The following PCDH10 variants were observed in gnomAD, a reference collection of about 807,000 sequenced individuals.
PCDH10 encodes the protein protocadherin 10, also known as protocadherin-10.
PCDH10 carries 15 observed loss-of-function variants against 74.4 expected under a neutral mutation model. The ratio of observed to expected loss-of-function variants is 0.20; its 90% CI spans 0.13 to 0.31. The LOEUF (loss-of-function observed/expected upper bound fraction) is 0.31. PCDH10 is among the 10% of genes least tolerant of loss of function. The probability of loss-of-function intolerance (pLI) is 1.00; values close to 1 mark genes in which losing one functional copy is unlikely to be tolerated. For missense variants in PCDH10, 1,260 were observed against 1,390.2 expected, an observed-to-expected ratio of 0.91 and a Z score of 1.49; for synonymous variants, 619 against 589.8, an observed-to-expected ratio of 1.05 and a Z score of -0.72.
intron 4 of PCDH10, among the ~76,000 whole-genome samples, chr4:133,189,531 C>G (rs1356665936): frequency 1.3e-5 from 2 of 151,740 alleles, no homozygotes; most frequent in Non-Finnish European, 2.9e-5. Flanking sequence ...TTATTAATTC[C>G]TTTATGAGAA....
chr4:133,167,176 T>C (rs1727101061), intron 4 of PCDH10, among the ~76,000 whole-genome samples: 1 of 151,512 alleles, frequency 6.6e-6, no homozygotes, highest in East Asian at 1.9e-4. Context: ...AAAATACTGC[T>C]AAAACTTATC....
Position 133,192,612 on chromosome 4 carries a change from C to T in PCDH10, c.*2452C>T, listed in dbSNP as rs1312282696. On this transcript the variant is annotated 3_prime_UTR_variant, in exon 5 of 5. Coordinates refer to ENST00000264360, the MANE Select transcript of PCDH10 (RefSeq NM_032961.3). ...TCATATATCCTAGGAACTAGTTATA[C>T]TAACTTACATTTTAGTTATCATCAA... 6.6e-6 allele frequency: 1 copy of T among 151,454 alleles called. No individual in the cohort carries two copies. Among genetic ancestry groups the T allele is most frequent in the Non-Finnish European group, 1.5e-5 (1 of 67,572 alleles). 9.4% of individuals were successfully genotyped at this position (151,454 alleles called of 1,614,324 possible).
In PCDH10 at chr4:133,149,875, AATTAGTCAGTGGAAAGATTACAG is replaced by A. The variant is rs1207016314; in HGVS notation, c.-263_-241del. On this transcript the variant is annotated 5_prime_UTR_variant, in exon 1 of 5. The change creates a new upstream start codon in the 5' untranslated region. Coordinates refer to ENST00000264360, the MANE Select transcript of PCDH10 (RefSeq NM_032961.3). ...ACTATTGTATTATTGTTATTTTATT[AATTAGTCAGTGGAAAGATTACAG>A]ATGAGGAAAGGGGACGCCTGTCACC... The A allele has an allele frequency of 2.3e-5, 8 of 345,504 alleles. No individual in the cohort carries two copies. The East Asian group carries it at 3.7e-4, about 16-fold the overall frequency. 21.4% of individuals were successfully genotyped at this position (345,504 alleles called of 1,614,324 possible). A position where few individuals can be genotyped will look rare whatever the true frequency, so the allele number is the denominator to read the frequency against.
At chr4:133,169,242 G>A (rs1318097930) in intron 4 of PCDH10, among the ~76,000 whole-genome samples, 1 of 151,286 alleles carries the variant, frequency 6.6e-6, no homozygotes, top group Non-Finnish European at 1.5e-5. Context: ...CTCTAGTTTA[G>A]TCACTTTTTT....
At chr4:133,172,536 C>T (rs1578568685) in intron 4 of PCDH10, among the ~76,000 whole-genome samples, 1 of 151,918 alleles carries the variant, frequency 6.6e-6, no homozygotes, top group South Asian at 2.1e-4. Flanking sequence ...AAAACATTAC[C>T]ACATATTTGT....
Position 133,150,664 on chromosome 4 carries a change from G to C in PCDH10, c.524G>C (p.Gly175Ala), listed in dbSNP as rs200972850. 1.9e-6 allele frequency: 3 copies of C among 1,613,026 alleles called. No individual in the cohort carries two copies. Among genetic ancestry groups the C allele is most frequent in the African/African-American group, 2.7e-5 (2 of 74,824 alleles). Residue 175 changes from glycine (G) to alanine (A), a missense_variant, in exon 1 of 5, where the codon GGG becomes GCG. Physicochemically the swap from Gly to Ala is moderately conservative, Grantham distance 60. This residue lies in a region of PCDH10 where 35 missense variants were observed against 29.1 expected (regional missense o/e 1.20). Transcript: ENST00000264360. ...SYFSLDVQTQ[G>A]DGNRFAELVL... Reference sequence around the variant, plus strand: ...TTCTCCCTGGACGTGCAGACCCAGGGGGATGGCAACCGATTCGCTGAGCTG... The same window carrying C: ...TTCTCCCTGGACGTGCAGACCCAGGCGGATGGCAACCGATTCGCTGAGCTG...
downstream of PCDH10, among the ~76,000 whole-genome samples, chr4:133,196,922 T>G (rs1542986): frequency 6.6e-6 from 1 of 152,164 alleles, no homozygotes; most frequent in African/African-American, 2.4e-5. Flanking sequence ...GTATAGAATA[T>G]AGTCTACAAA....
chr4:133,178,216 G>GT (rs200892986), intron 4 of PCDH10, among the ~76,000 whole-genome samples: 1,600 of 150,532 alleles, frequency 0.011, 36 homozygotes, highest in African/African-American at 0.037. Flanking sequence ...GCCAGTGTGT[G>GT]TTTTTTTTTG....
chr4:133,151,397 C>T lies in PCDH10; in HGVS notation c.1257C>T (p.Ala419=). The part of the protein sequence containing the change: ...FKNYYTIVTE[A]PLDREAGDSY... ...ATTACTACACCATCGTTACCGAAGCCCCCCTGGACCGAGAGGCGGGGGACT... is the reference window on the plus strand; with the variant it reads ...ATTACTACACCATCGTTACCGAAGCTCCCCTGGACCGAGAGGCGGGGGACT... The change falls in exon 1 of 5, where the codon GCC becomes GCT. Residue 419 remains alanine, a synonymous_variant. Transcript: ENST00000264360. The T allele has an allele frequency of 6.2e-7, 1 of 1,614,126 alleles. No individual in the cohort carries two copies.
intron 3 of PCDH10, among the ~76,000 whole-genome samples, chr4:133,158,410 G>T (rs1726906180): frequency 6.6e-6 from 1 of 151,968 alleles, no homozygotes; most frequent in African/African-American, 2.4e-5. Flanking sequence ...ATATGTTGAA[G>T]AGATAATCCT....
Position 133,152,627 on chromosome 4 carries a change from C to A in PCDH10, c.2487C>A (p.Ser829=). The change falls in exon 1 of 5, where the codon TCC becomes TCA. Residue 829 remains serine (S), a synonymous_variant. Coordinates refer to ENST00000264360, the MANE Select transcript of PCDH10 (RefSeq NM_032961.3). ...ATCAGGTATGCCTGACCCCTGAGTC[C>A]GCCAAGACCGACCTGATGTTTCTTA... is the stretch of plus-strand genomic sequence containing the variant. ...YCYQVCLTPE[S]AKTDLMFLKP... 6.2e-7 allele frequency: 1 copy of A among 1,614,196 alleles called. No individual in the cohort carries two copies. Among genetic ancestry groups the A allele is most frequent in the Non-Finnish European group, 8.5e-7 (1 of 1,180,038 alleles).
chr4:133,156,942 T>C (rs1010833329), intron 3 of PCDH10, among the ~76,000 whole-genome samples: 1 of 152,244 alleles, frequency 6.6e-6, no homozygotes, highest in Non-Finnish European at 1.5e-5. Flanking sequence ...AATGTTTCTT[T>C]CAAATTATTG....
intron 2 of PCDH10, among the ~76,000 whole-genome samples, chr4:133,201,575 T>A (rs889292040): frequency 2.0e-5 from 3 of 151,958 alleles, no homozygotes; most frequent in Admixed American, 2.0e-4. Context: ...AAAGGAATTG[T>A]GCTAGGCGGG....
chr4:133,151,939 T>C lies in PCDH10; in HGVS notation c.1799T>C (p.Leu600Pro). The part of the protein sequence containing the change: ...LPRSAEPGYL[L>P]TRVAAVDADD... ...CGCTCGGCGGAGCCGGGTTACCTGCTCACCCGCGTGGCCGCCGTGGACGCG... is the reference window on the plus strand; with the variant it reads ...CGCTCGGCGGAGCCGGGTTACCTGCCCACCCGCGTGGCCGCCGTGGACGCG... Residue 600 changes from leucine (L) to proline (P), a missense_variant, in exon 1 of 5, where the codon CTC becomes CCC. Leu to Pro is a moderately conservative substitution (Grantham distance 98). Coordinates refer to ENST00000264360, the MANE Select transcript of PCDH10 (RefSeq NM_032961.3). 2.5e-6 allele frequency: 4 copies of C among 1,612,386 alleles called. No homozygotes were observed. The highest frequency in any genetic ancestry group is 1.3e-5 in the African/African-American group (1 of 75,062).
chr4:133,169,361 A>T (rs888646793), intron 4 of PCDH10, among the ~76,000 whole-genome samples: 6 of 151,854 alleles, frequency 4.0e-5, no homozygotes, highest in African/African-American at 1.4e-4. Context: ...GCATATAGAG[A>T]AAACATAATC....
At chr4:133,176,022 C>T (rs1191853510) in intron 4 of PCDH10, among the ~76,000 whole-genome samples, 2 of 152,158 alleles carry the variant, frequency 1.3e-5, no homozygotes, top group Non-Finnish European at 2.9e-5. Context: ...ATGCTTGAAA[C>T]ATACCCTATT....
In PCDH10 at chr4:133,163,091, G is replaced by T; in HGVS notation, c.2912G>T (p.Ser971Ile). ...GGACGCCAGGCTGCTGATTATCGCA[G>T]CAATCTGCATGTTCCTGGCATGGAC... ...SDGRQAADYR[S>I]NLHVPGMDSV... is the part of the protein sequence containing the mutation. Residue 971 changes from serine (S) to isoleucine (I), a missense_variant, in exon 4 of 5, where the codon AGC becomes ATC. Physicochemically the swap from Ser to Ile is moderately radical, Grantham distance 142. Coordinates refer to ENST00000264360, the MANE Select transcript of PCDH10 (RefSeq NM_032961.3). 3 of 1,614,128 alleles carry T rather than the reference G, an allele frequency of 1.9e-6. No homozygotes were observed. Among genetic ancestry groups the T allele is most frequent in the Non-Finnish European group, 2.5e-6 (3 of 1,180,010 alleles).
intron 1 of PCDH10, chr4:133,153,092 G>C (rs1204897238): frequency 1.5e-6 from 2 of 1,335,450 alleles, no homozygotes; most frequent in Admixed American, 7.4e-5. Context: ...CTGCGTGAAG[G>C]GAGAGGGAAA....
intron 4 of PCDH10, among the ~76,000 whole-genome samples, chr4:133,181,910 T>G (rs1727426515): frequency 6.6e-6 from 1 of 152,114 alleles, no homozygotes; most frequent in East Asian, 1.9e-4. Flanking sequence ...GAACTTCCAA[T>G]TGTTTACATT....
Sources: gnomAD v4.1 joint callset for allele counts (sites outside exome capture counted in the v4.1 genomes callset) on GRCh38, gnomAD v4.1.1 for gene constraint, gnomAD v4.1.1 regional missense constraint, MANE v1.5 for transcripts, NCBI Gene and HGNC (gene_info 2026-07-23, HGNC 2026-07-21) for gene names.